Variants in DPH6 observed in about 807,000 individuals in gnomAD.
DPH6 encodes diphthine--ammonia ligase.
In DPH6, 33 loss-of-function variants were observed where a neutral mutation model predicts 38.2. The ratio of observed to expected loss-of-function variants is 0.86; its 90% CI spans 0.65 to 1.15. DPH6 has a LOEUF of 1.15. DPH6 is among the 50% of genes most tolerant of loss of function. DPH6 has a pLI of 0.00. For synonymous variants in DPH6, 108 were observed against 103.0 expected (o/e 1.05, Z -0.30); for missense variants, 325 against 320.0 (o/e 1.02, Z -0.12).
downstream of DPH6, among the ~76,000 whole-genome samples, chr15:35,327,432 G>T (rs968952004): frequency 7.0e-6 from 1 of 143,264 alleles, no homozygotes. Context: ...TGCAACCTCC[G>T]CCTCCTGGGT....
the DPH6 span, among the ~76,000 whole-genome samples, chr15:35,204,937 G>C: frequency 6.6e-6 from 1 of 151,890 alleles, no homozygotes; most frequent in East Asian, 1.9e-4. Context: ...AGAAGGAAGA[G>C]AGACAAAGGA....
the DPH6 span, among the ~76,000 whole-genome samples, chr15:35,160,069 T>C: frequency 1.3e-5 from 2 of 151,956 alleles, no homozygotes; most frequent in Admixed American, 6.6e-5. Context: ...GGGGGAAGGA[T>C]TGAAAAGCTA....
At chr15:35,482,631 A>G (rs2054341673) in intron 3 of DPH6, among the ~76,000 whole-genome samples, 1 of 152,220 alleles carries the variant, frequency 6.6e-6, no homozygotes. Context: ...TAGTTTTTCA[A>G]CAAAAGTATA....
intron 3 of DPH6, among the ~76,000 whole-genome samples, chr15:35,262,522 C>T (rs993634088): frequency 1.3e-4 from 19 of 151,830 alleles, no homozygotes; most frequent in African/African-American, 2.9e-4. Context: ...CTGGCTAACA[C>T]GGTGAAACCC....
chr15:35,224,778 T>C (rs756674164), intron 3 of DPH6, among the ~76,000 whole-genome samples: 5 of 152,184 alleles, frequency 3.3e-5, no homozygotes, highest in Non-Finnish European at 7.4e-5. Context: ...AGGTGTGTAG[T>C]GGATTTAATA....
At chr15:35,356,343 A>G (rs955073540) in intron 3 of DPH6, among the ~76,000 whole-genome samples, 2 of 152,144 alleles carry the variant, frequency 1.3e-5, no homozygotes, top group African/African-American at 4.8e-5. Flanking sequence ...CATTCCTTTG[A>G]AGGAGGAGAG....
chr15:35,541,316 T>C (rs2055250104), intron 2 of DPH6, among the ~76,000 whole-genome samples: 1 of 152,100 alleles, frequency 6.6e-6, no homozygotes, highest in South Asian at 2.1e-4. Flanking sequence ...CTAATCCAAA[T>C]TAGTTCATTA....
intron 6 of DPH6, among the ~76,000 whole-genome samples, chr15:35,406,979 A>G (rs1268980381): frequency 6.6e-6 from 1 of 152,002 alleles, no homozygotes; most frequent in Non-Finnish European, 1.5e-5. Flanking sequence ...AAGGTGGAGT[A>G]TACGTGGAAA....
rs1447973571 is a variant in DPH6 at position 35,240,881 on chromosome 15, T to C, written n.201-20299A>G. ...CCTCAAACCCCACAACAGGATTTAATTAACCTCGCCTTCAAGGTGTACAAT... is the reference window on the plus strand; with the variant it reads ...CCTCAAACCCCACAACAGGATTTAACTAACCTCGCCTTCAAGGTGTACAAT... On this transcript the variant is annotated intron_variant and non_coding_transcript_variant, in intron 3 of 3. Coordinates refer to the DPH6 transcript ENST00000560386. 2.1e-5 allele frequency among the ~76,000 whole-genome samples: 3 copies of C among 143,298 alleles called. 1 individual carries two copies. The highest frequency in any genetic ancestry group is 7.6e-5 in the African/African-American group (3 of 39,536). 94.0% of individuals were successfully genotyped at this position (143,298 alleles called of 152,430 possible).
At chr15:35,166,987 A>C in the DPH6 span, among the ~76,000 whole-genome samples, 1 of 152,046 alleles carries the variant, frequency 6.6e-6, no homozygotes. Context: ...ACTTTGTAGA[A>C]GTACTGAAGA....
intron 5 of DPH6, among the ~76,000 whole-genome samples, chr15:35,425,069 C>G (rs558405265): frequency 1.3e-5 from 2 of 151,584 alleles, no homozygotes; most frequent in Non-Finnish European, 3.0e-5. Context: ...ATAGTTGAGA[C>G]AGCAACCAAT....
At chr15:35,200,729 T>TA in the DPH6 span, among the ~76,000 whole-genome samples, 1 of 151,636 alleles carries the variant, frequency 6.6e-6, no homozygotes, top group Non-Finnish European at 1.5e-5. Context: ...GTTCATGGAT[T>TA]AAAAAAAGAA....
At chr15:35,159,880 G>T in the DPH6 span, among the ~76,000 whole-genome samples, 1 of 151,950 alleles carries the variant, frequency 6.6e-6, no homozygotes, top group Non-Finnish European at 1.5e-5. Flanking sequence ...CCATAAAAAA[G>T]AAAGTCACAT....
At chr15:35,445,510 G>C (rs1262939555) in intron 5 of DPH6, among the ~76,000 whole-genome samples, 2 of 151,494 alleles carry the variant, frequency 1.3e-5, no homozygotes, top group African/African-American at 4.9e-5. Flanking sequence ...CGTATATTTG[G>C]AGAGATGTGT....
At chr15:35,406,416 A>G (rs1490341348) in intron 6 of DPH6, among the ~76,000 whole-genome samples, 1 of 151,930 alleles carries the variant, frequency 6.6e-6, no homozygotes, top group African/African-American at 2.4e-5. Flanking sequence ...GTTCACAAGG[A>G]AAGTGTAATA....
chr15:35,193,766 G>A, the DPH6 span, among the ~76,000 whole-genome samples: 1 of 152,128 alleles, frequency 6.6e-6, no homozygotes, highest in South Asian at 2.1e-4. Context: ...AAAATATCAA[G>A]AAAGGTTAAA....
At chr15:35,306,948 G>C (rs143347557) in intron 3 of DPH6, among the ~76,000 whole-genome samples, 1 of 152,186 alleles carries the variant, frequency 6.6e-6, no homozygotes, top group African/African-American at 2.4e-5. Context: ...GTTTCAGAGC[G>C]AGGTGGCCGA....
downstream of DPH6, among the ~76,000 whole-genome samples, chr15:35,215,407 G>C (rs2051405918): frequency 6.6e-6 from 1 of 151,842 alleles, no homozygotes. Context: ...CTTTTTTTTA[G>C]AGACAGGGTG....
At chr15:35,248,115 C>A (rs550762184) in intron 3 of DPH6, among the ~76,000 whole-genome samples, 1 of 152,266 alleles carries the variant, frequency 6.6e-6, no homozygotes, top group East Asian at 1.9e-4. Context: ...TTTGTTGAGG[C>A]TCAGAAAATG....
Sources: allele counts gnomAD v4.1 joint callset (sites outside exome capture counted in the v4.1 genomes callset), GRCh38; gene constraint gnomAD v4.1.1; transcripts MANE v1.5; gene names NCBI Gene and HGNC (gene_info 2026-07-23, HGNC 2026-07-21).